DTX4: variants seen among roughly 807,000 people sequenced by gnomAD.
DTX4 encodes E3 ubiquitin-protein ligase DTX4.
A neutral mutation model predicts 57.6 loss-of-function variants in DTX4; 28 were observed. The ratio of observed to expected loss-of-function variants is 0.49; its 90% confidence interval spans 0.36 to 0.67. The LOEUF is 0.67. DTX4 is among the 30% of genes least tolerant of loss of function. The pLI is 0.00. For synonymous variants in DTX4, 316 were observed against 331.0 expected (o/e 0.95, Z 0.49); for missense variants, 715 against 836.8 (o/e 0.85, Z 1.80).
At chr11:59,197,698 G>T (rs1273728599) in intron 7 of DTX4, among the ~76,000 whole-genome samples, 1 of 152,190 alleles carries the variant, frequency 6.6e-6, no homozygotes, top group Non-Finnish European at 1.5e-5. Context: ...ACAAGGGAAG[G>T]CCGGGATAAG....
intron 2 of DTX4, among the ~76,000 whole-genome samples, chr11:59,188,058 T>G (rs544248976): frequency 1.8e-4 from 27 of 152,246 alleles, no homozygotes; most frequent in Non-Finnish European, 3.7e-4. Context: ...GTGACTCTTT[T>G]GTACACCCTG....
chr11:59,188,155 A>C (rs1862550066), intron 2 of DTX4, among the ~76,000 whole-genome samples: 1 of 152,190 alleles, frequency 6.6e-6, no homozygotes, highest in South Asian at 2.1e-4. Context: ...AAACAGACAA[A>C]GATATTTTGC....
At position 59,177,107 on chromosome 11, in the gene DTX4, C is replaced by G. The variant is rs368869935; in HGVS notation, c.211+4301C>G. On this transcript the variant is annotated intron_variant, in intron 1 of 8. Transcript: ENST00000227451. ...TTACCACTTTCCCATGGTCCAAACC[C>G]AGGATTCTTTGACTCATTCTGTCAT... Among the ~76,000 whole-genome samples, 179 of 152,300 alleles carry G rather than the reference C, an allele frequency of 1.2e-3. 1 individual carries two copies. The South Asian group carries it at 0.03, about 26-fold the overall frequency.
chr11:59,187,388 G>A (rs1368510630), intron 2 of DTX4, among the ~76,000 whole-genome samples: 1 of 152,198 alleles, frequency 6.6e-6, no homozygotes, highest in Non-Finnish European at 1.5e-5. Flanking sequence ...TATGCTGTGA[G>A]CAGTTGGAGC....
chr11:59,193,130 A>T (rs183025291), intron 6 of DTX4, among the ~76,000 whole-genome samples: 4 of 150,890 alleles, frequency 2.7e-5, no homozygotes, highest in African/African-American at 9.9e-5. Flanking sequence ...GGTCTGGTCT[A>T]TACGTCTCTT....
intron 2 of DTX4, 79 bp from the exon 3 acceptor site, chr11:59,188,656 G>T: frequency 1.6e-6 from 2 of 1,276,046 alleles, no homozygotes; most frequent in Non-Finnish European, 2.3e-6. Context: ...GCACTTAACT[G>T]CATTTTATTA....
At chr11:59,177,237 T>C (rs1166951285) in intron 1 of DTX4, among the ~76,000 whole-genome samples, 1 of 152,200 alleles carries the variant, frequency 6.6e-6, no homozygotes, top group Non-Finnish European at 1.5e-5. Flanking sequence ...GCCATTCACA[T>C]GCAGATTCCC....
At chr11:59,192,822 G>A (rs1862616595) in intron 6 of DTX4, among the ~76,000 whole-genome samples, 2 of 152,182 alleles carry the variant, frequency 1.3e-5, no homozygotes, top group South Asian at 4.1e-4. Flanking sequence ...AAGAGGGGAA[G>A]GCTGTTTGGG....
At position 59,182,326 on chromosome 11, in the gene DTX4, A is replaced by G; in HGVS notation, c.799A>G (p.Thr267Ala). ...VIRRQASSMP[T>A]GTTMGSPASP... Reference sequence around the variant, plus strand: ...CCGGAGACAAGCCTCCAGCATGCCCACTGGGACAACCATGGGCTCTCCTGC... The same window carrying G: ...CCGGAGACAAGCCTCCAGCATGCCCGCTGGGACAACCATGGGCTCTCCTGC... Residue 267 changes from threonine to alanine, a missense_variant, in exon 2 of 9, where the codon ACT becomes GCT. By Grantham distance (58) the Thr-to-Ala change is moderately conservative. Coordinates refer to ENST00000227451, the MANE Select transcript of DTX4 (RefSeq NM_015177.2). 6.2e-7 allele frequency: 1 copy of G among 1,612,890 alleles called. No individual in the cohort carries two copies. The highest frequency in any genetic ancestry group is 8.5e-7 in the Non-Finnish European group (1 of 1,179,784).
intron 2 of DTX4, among the ~76,000 whole-genome samples, chr11:59,186,510 A>T (rs1297825176): frequency 1.3e-5 from 2 of 151,710 alleles, no homozygotes; most frequent in Non-Finnish European, 2.9e-5. Context: ...TTTTCCCCAA[A>T]CCTCTCCAGA....
intron 3 of DTX4, 102 bp from the exon 4 acceptor site, chr11:59,189,060 C>T (rs1179089556): frequency 1.4e-6 from 2 of 1,398,664 alleles, no homozygotes; most frequent in South Asian, 2.5e-5. Context: ...TGAGAACTTT[C>T]TGCTGGAAAG....
At chr11:59,193,394 T>A (rs1862623900) in intron 6 of DTX4, among the ~76,000 whole-genome samples, 1 of 152,224 alleles carries the variant, frequency 6.6e-6, no homozygotes, top group Admixed American at 6.5e-5. Context: ...CCCAAAGTGC[T>A]TTCTTGGTGT....
rs1316775281 is a variant in DTX4, at chr11:59,207,074, A to G, written c.*2165A>G. On this transcript the variant is annotated 3_prime_UTR_variant, in exon 9 of 9. Coordinates refer to ENST00000227451, the MANE Select transcript of DTX4 (RefSeq NM_015177.2). ...ACTTGGAGAGCCTCATGCCGTCTCT[A>G]CCTTCGCACACTGGTCAAGTATCTG... 1 of 152,244 alleles carries G rather than the reference A, an allele frequency of 6.6e-6. No individual in the cohort carries two copies. Among genetic ancestry groups the G allele is most frequent in the African/African-American group, 2.4e-5 (1 of 41,450 alleles). 9.4% of individuals were successfully genotyped at this position (152,244 alleles called of 1,614,324 possible). A position where few individuals can be genotyped will look rare whatever the true frequency, so the allele number is the denominator to read the frequency against.
In DTX4 at chr11:59,204,956, A is replaced by G. The variant is rs1862787077; in HGVS notation, c.*47A>G. 6.7e-7 allele frequency: 1 copy of G among 1,490,440 alleles called. No individual in the cohort carries two copies. The highest frequency in any genetic ancestry group is 9.1e-7 in the Non-Finnish European group (1 of 1,092,944). The allele number at this position is 1,490,440 out of a possible 1,614,324, so 92.3% of individuals were successfully genotyped here. A position where few individuals can be genotyped will look rare whatever the true frequency, so the allele number is the denominator to read the frequency against. On this transcript the variant is annotated 3_prime_UTR_variant, in exon 9 of 9. Transcript: ENST00000227451. The stretch of plus-strand genomic sequence containing the variant: ...GGAGGGGCCATGGAGACTGCAGGAC[A>G]GGAAGTGAGGAGAGTGAGTCAATGT...
intron 8 of DTX4, among the ~76,000 whole-genome samples, chr11:59,203,393 T>C (rs1862762670): frequency 6.6e-6 from 1 of 152,194 alleles, no homozygotes; most frequent in Admixed American, 6.5e-5. Context: ...ACTTTTTTTT[T>C]TTTTACTTCT....
chr11:59,208,255 G>A lies in DTX4; in HGVS notation c.*3346G>A, dbSNP rs902015560. 6.6e-6 allele frequency: 1 copy of A among 152,442 alleles called. No homozygotes were observed. Among genetic ancestry groups the A allele is most frequent in the Admixed American group, 6.5e-5 (1 of 15,276 alleles). 9.4% of individuals were successfully genotyped at this position (152,442 alleles called of 1,614,324 possible). A position where few individuals can be genotyped will look rare whatever the true frequency, so the allele number is the denominator to read the frequency against. On this transcript the variant is annotated 3_prime_UTR_variant, in exon 9 of 9. Transcript: ENST00000227451. ...GGATTTGGGTTACCTCCCTGAGTCT[G>A]TAAGCAACCACAAGCCCTGCCACTG...
At chr11:59,177,386 A>AT (rs770731129) in intron 1 of DTX4, among the ~76,000 whole-genome samples, 1 of 151,782 alleles carries the variant, frequency 6.6e-6, no homozygotes, top group Non-Finnish European at 1.5e-5. Context: ...AGTCTTACCC[A>AT]TTTTTTTCTC....
chr11:59,175,856 T>C (rs1226044026), intron 1 of DTX4, among the ~76,000 whole-genome samples: 3 of 151,712 alleles, frequency 2.0e-5, no homozygotes, highest in Non-Finnish European at 4.4e-5. Context: ...CACTGTTTAC[T>C]CCGTGACCTT....
intron 1 of DTX4, among the ~76,000 whole-genome samples, chr11:59,178,993 C>T (rs546803931): frequency 4.8e-4 from 73 of 151,288 alleles, no homozygotes; most frequent in African/African-American, 1.7e-3. Flanking sequence ...GCATAGTTTC[C>T]AGAAGTTCTG....
Sources: gnomAD v4.1 joint callset for allele counts (sites outside exome capture counted in the v4.1 genomes callset) on GRCh38, gnomAD v4.1.1 for gene constraint, MANE v1.5 for transcripts, NCBI Gene and HGNC (gene_info 2026-07-23, HGNC 2026-07-21) for gene names.